Variants in ZNF707 observed in about 807,000 individuals in gnomAD.
ZNF707 encodes the protein zinc finger protein 707.
In ZNF707, 8 loss-of-function variants were observed where a neutral mutation model predicts 13.3. The observed-to-expected ratio is 0.60, with a 90% CI of 0.35 to 1.09. The LOEUF (loss-of-function observed/expected upper bound fraction) is 1.09, where lower values mean the gene tolerates loss of function less well. ZNF707 is among the 50% of genes least tolerant of loss of function. The pLI is 0.02. For missense variants in ZNF707, 530 were observed against 512.6 expected, an observed-to-expected ratio of 1.03 and a Z score of -0.33; for synonymous variants, 225 against 205.6, an observed-to-expected ratio of 1.09 and a Z score of -0.81.
chr8:143,691,509 CG>C, intron 4 of ZNF707, 90 bp from the exon 5 acceptor site: 4 of 1,371,152 alleles, frequency 2.9e-6, no homozygotes, highest in Non-Finnish European at 4.0e-6. Context: ...GCTGGCCTGG[CG>C]TCTTAGGCTG....
Position 143,694,504 on chromosome 8 carries a change from A to G in ZNF707, c.1090A>G (p.Arg364Gly). The change falls in exon 6 of 6, where the codon AGG (arginine) becomes GGG (glycine). Residue 364 changes from arginine (R) to glycine (G), a missense_variant. Physicochemically the swap from Arg to Gly is moderately radical, Grantham distance 125. Coordinates refer to ENST00000358656, the MANE Select transcript of ZNF707 (RefSeq NM_001100598.2). The surrounding 1 kb of genome is among the most constrained non-coding windows in gnomAD (Gnocchi z 4.4). ...CCTGGGGTTCTTCACGCGGCATCAG[A>G]GGACTCACAGGCACGGGGAGGTGTA... ...RHLGFFTRHQ[R>G]THRHGEV The G allele has an allele frequency of 1.2e-6, 2 of 1,606,026 alleles. No homozygotes were observed. The highest frequency in any genetic ancestry group is 4.5e-5 in the East Asian group (2 of 44,636).
chr8:143,691,217 G>T lies in ZNF707; in HGVS notation c.142+18G>T, dbSNP rs372759695. 1 of 1,600,296 alleles carries T rather than the reference G, an allele frequency of 6.2e-7. No individual in the cohort carries two copies. The highest frequency in any genetic ancestry group is 8.5e-7 in the Non-Finnish European group (1 of 1,171,702). ...TGCTCTGGGTGAGCACGGGCTGAGC[G>T]CAGCGTGAGCACAGGGTGAGTGCTG... On this transcript the variant is annotated intron_variant, in intron 4 of 5. Coordinates refer to ENST00000358656, the MANE Select transcript of ZNF707 (RefSeq NM_001100598.2).
At chr8:143,691,384 G>T (rs1554613580) in intron 4 of ZNF707, 185 bp downstream of exon 4, 14 of 1,174,138 alleles carry the variant, frequency 1.2e-5, no homozygotes, top group African/African-American at 3.1e-5. Context: ...CTCCCTGGAG[G>T]CAGCCTCATC....
Position 143,694,082 on chromosome 8 carries a change from A to C in ZNF707, c.668A>C (p.Gln223Pro). 6.2e-7 allele frequency: 1 copy of C among 1,607,748 alleles called. No homozygotes were observed. The highest frequency in any genetic ancestry group is 8.5e-7 in the Non-Finnish European group (1 of 1,178,048). Residue 223 changes from glutamine to proline, a missense_variant, in exon 6 of 6, where the codon CAG (glutamine) becomes CCG (proline). Physicochemically the swap from Gln to Pro is moderately conservative, Grantham distance 76 (BLOSUM62 -1). Coordinates refer to ENST00000358656, the MANE Select transcript of ZNF707 (RefSeq NM_001100598.2). The surrounding 1 kb of genome is among the most constrained non-coding windows in gnomAD (Gnocchi z 4.4). ...TGGGCTTCAAACCTGCAGCGCCACC[A>C]GAAGAACCACACGCGCGAGAAGCCC... Reference protein sequence around the residue: ...FRWASNLQRHQKNHTREKPFC... With the variant: ...FRWASNLQRHPKNHTREKPFC...
At chr8:143,691,043 TG>T (rs1255142998) in intron 3 of ZNF707, 29 bp from the exon 4 acceptor site, 6 of 1,613,090 alleles carry the variant, frequency 3.7e-6, no homozygotes, top group Non-Finnish European at 5.1e-6. Flanking sequence ...TTCTTGGGAA[TG>T]GCCTCTTCGG....
At chr8:143,692,283 G>C (rs367580644) in intron 5 of ZNF707, 3 of 1,289,764 alleles carry the variant, frequency 2.3e-6, no homozygotes, top group East Asian at 5.5e-5. Context: ...AGCCCTGGGA[G>C]GTCCCCGGGT....
intron 3 of ZNF707, among the ~76,000 whole-genome samples, chr8:143,690,572 A>G (rs1554613252): frequency 6.6e-6 from 1 of 152,186 alleles, no homozygotes; most frequent in East Asian, 1.9e-4. Context: ...AAAAGAAAAA[A>G]AAAAAGAAAA....
At position 143,691,616 on chromosome 8, in the gene ZNF707, A is replaced by T; in HGVS notation, c.159A>T (p.Arg53Ser). The change falls in exon 5 of 6, where the codon AGA (arginine) becomes AGT (serine). Residue 53 changes from arginine (R) to serine (S), a missense_variant. Transcript: ENST00000358656. ...SVAALGFCSP[R>S]PDLVSRLEQW... Reference sequence around the variant, plus strand: ...TTTGAGAAGGATTTTGCAGCCCCAGACCAGACCTCGTCTCTCGCCTGGAAC... The same window carrying T: ...TTTGAGAAGGATTTTGCAGCCCCAGTCCAGACCTCGTCTCTCGCCTGGAAC... 1 of 1,608,370 alleles carries T rather than the reference A, an allele frequency of 6.2e-7. No homozygotes were observed. The highest frequency in any genetic ancestry group is 1.1e-5 in the South Asian group (1 of 89,432).
rs972373123 is a variant in ZNF707, at chr8:143,693,246, A to G, written c.257-425A>G. Among the ~76,000 whole-genome samples the G allele has an allele frequency of 7.3e-5, 11 of 151,290 alleles. No homozygotes were observed. The highest frequency in any genetic ancestry group is 2.7e-4 in the African/African-American group (11 of 41,140). On this transcript the variant is annotated intron_variant, in intron 5 of 5. Coordinates refer to ENST00000358656, the MANE Select transcript of ZNF707 (RefSeq NM_001100598.2). The surrounding 1 kb of genome is among the most constrained non-coding windows in gnomAD (Gnocchi z 4.1). ...CATGTGGAATGAGCTGAGTCAATGG[A>G]AGCCAGTCCACGCACACAGCAGGAG... is the stretch of plus-strand genomic sequence containing the variant.
chr8:143,686,107 T>C (rs1159043043), intron 1 of ZNF707, among the ~76,000 whole-genome samples: 2 of 152,070 alleles, frequency 1.3e-5, no homozygotes, highest in African/African-American at 2.4e-5. Flanking sequence ...GTTTTTGTTT[T>C]TGTTTTTTTT....
At position 143,694,286 on chromosome 8, in the gene ZNF707, C is replaced by G; in HGVS notation, c.872C>G (p.Ala291Gly). The G allele has an allele frequency of 6.3e-7, 1 of 1,597,602 alleles. No individual in the cohort carries two copies. The highest frequency in any genetic ancestry group is 8.5e-7 in the Non-Finnish European group (1 of 1,171,060). ...ACCGGGGAGCGGCCGTTCTACTGCG[C>G]GGACTGCGGCAAAGCCTTCCGGACC... ...VHTGERPFYC[A>G]DCGKAFRTKE... Residue 291 changes from alanine to glycine, a missense_variant, in exon 6 of 6, where the codon GCG becomes GGG. Physicochemically the swap from Ala to Gly is moderately conservative, Grantham distance 60. Transcript: ENST00000358656. The surrounding 1 kb of genome is among the most constrained non-coding windows in gnomAD (Gnocchi z 4.4).
In ZNF707 at chr8:143,693,924, C is replaced by A; in HGVS notation, c.510C>A (p.Arg170=). 1 of 1,607,628 alleles carries A rather than the reference C, an allele frequency of 6.2e-7. No individual in the cohort carries two copies. Among genetic ancestry groups the A allele is most frequent in the East Asian group, 2.2e-5 (1 of 44,736 alleles). The part of the protein sequence containing the change: ...RPGRRERRKQ[R]AVELSFICGT... ...GCCGCAGAGAGCGCCGGAAGCAGCGCGCAGTAGAGCTGTCATTCATCTGCG... is the reference window on the plus strand; with the variant it reads ...GCCGCAGAGAGCGCCGGAAGCAGCGAGCAGTAGAGCTGTCATTCATCTGCG... The change falls in exon 6 of 6, where the codon CGC becomes CGA. Residue 170 remains arginine, a synonymous_variant. Coordinates refer to ENST00000358656, the MANE Select transcript of ZNF707 (RefSeq NM_001100598.2). This position sits in a 1 kb window ranked among gnomAD's most constrained non-coding sequence, Gnocchi z 4.1.
Position 143,685,589 on chromosome 8 carries a change from C to T in ZNF707, c.-151+1047C>T, listed in dbSNP as rs576458459. Among the ~76,000 whole-genome samples the T allele has an allele frequency of 1.3e-4, 20 of 150,528 alleles. 1 individual carries two copies. Among genetic ancestry groups the T allele is most frequent in the East Asian group, 9.8e-4 (5 of 5,124 alleles). On this transcript the variant is annotated intron_variant, in intron 1 of 5. Transcript: ENST00000358656. Reference sequence around the variant, plus strand: ...ATGCTGTGGCTGACGCCTGTAACCCCAGCACTTGGGGAGGCTGAGGCCAGA... The same window carrying T: ...ATGCTGTGGCTGACGCCTGTAACCCTAGCACTTGGGGAGGCTGAGGCCAGA...
At chr8:143,685,842 C>T (rs1389212949) in intron 1 of ZNF707, among the ~76,000 whole-genome samples, 2 of 151,776 alleles carry the variant, frequency 1.3e-5, no homozygotes, top group African/African-American at 2.4e-5. Context: ...GGACCTGCCT[C>T]AGAGAAAAAA....
intron 4 of ZNF707, 162 bp downstream of exon 4, chr8:143,691,361 C>T (rs1409636986): frequency 7.7e-6 from 10 of 1,292,196 alleles, no homozygotes; most frequent in Non-Finnish European, 9.3e-6. Flanking sequence ...GCCCACTCAG[C>T]GTTTCTCTCG....
intron 1 of ZNF707, chr8:143,688,787 T>C (rs942179172): frequency 2.0e-5 from 3 of 152,164 alleles, no homozygotes; most frequent in African/African-American, 7.2e-5. Context: ...ACTGCATATG[T>C]GCACTGCCAC....
At position 143,694,531 on chromosome 8, in the gene ZNF707, GGGC is replaced by G. The variant is rs1357399782; in HGVS notation, c.*3_*5del. The G allele has an allele frequency of 6.3e-7, 1 of 1,592,738 alleles. No individual in the cohort carries two copies. Among genetic ancestry groups the G allele is most frequent in the Non-Finnish European group, 8.6e-7 (1 of 1,165,854 alleles). ...GACTCACAGGCACGGGGAGGTGTAGGGGCGCCCGAAGAGTGGGGTGCTGCGCCT... is the reference window on the plus strand; with the variant it reads ...GACTCACAGGCACGGGGAGGTGTAGGGCCCGAAGAGTGGGGTGCTGCGCCT... On this transcript the variant is annotated 3_prime_UTR_variant, in exon 6 of 6. Transcript: ENST00000358656. The surrounding 1 kb of genome is among the most constrained non-coding windows in gnomAD (Gnocchi z 4.4).
chr8:143,688,323 T>C (rs1350214443), intron 1 of ZNF707, among the ~76,000 whole-genome samples: 1 of 152,144 alleles, frequency 6.6e-6, no homozygotes, highest in African/African-American at 2.4e-5. Context: ...GCAGTTAATG[T>C]AACCACCTGT....
At chr8:143,690,950 T>G in intron 3 of ZNF707, 123 bp from the exon 4 acceptor site, 14 of 1,269,626 alleles carry the variant, frequency 1.1e-5, no homozygotes, top group Non-Finnish European at 1.4e-5. Context: ...AGTGAATGGA[T>G]TTAGGGGACA....
Sources: allele counts gnomAD v4.1 joint callset (sites outside exome capture counted in the v4.1 genomes callset), GRCh38; gene constraint gnomAD v4.1.1; non-coding constraint Gnocchi (gnomAD v3.1); transcripts MANE v1.5; gene names NCBI Gene and HGNC (gene_info 2026-07-23, HGNC 2026-07-21).